The following HPSE2 variants were observed in gnomAD, a reference collection of about 807,000 sequenced individuals.
The protein encoded by HPSE2 is heparanase 2 (inactive), also known as inactive heparanase-2.
A neutral mutation model predicts 60.5 loss-of-function variants in HPSE2; 38 were observed. The ratio of observed to expected loss-of-function variants is 0.63; its 90% CI spans 0.48 to 0.82. The LOEUF (loss-of-function observed/expected upper bound fraction) is 0.82, where lower values mean the gene tolerates loss of function less well. Among genes scored for constraint, HPSE2 ranks in the 40% least tolerant of loss-of-function variants. The pLI, the probability that HPSE2 is intolerant of heterozygous loss-of-function variation, is 0.00. For missense variants in HPSE2, 713 were observed against 740.4 expected (o/e 0.96, Z 0.43); for synonymous variants, 295 against 293.2 (o/e 1.01, Z -0.06).
chr10:98,516,256 A>T (rs1942598163), intron 9 of HPSE2, among the ~76,000 whole-genome samples: 1 of 152,206 alleles, frequency 6.6e-6, no homozygotes, highest in Non-Finnish European at 1.5e-5. Flanking sequence ...AAAGATATTG[A>T]AACTCAGCGA....
intron 9 of HPSE2, among the ~76,000 whole-genome samples, chr10:98,539,936 C>G (rs559336094): frequency 3.5e-4 from 54 of 152,330 alleles, no homozygotes; most frequent in African/African-American, 1.3e-3. Context: ...TAAGAGAAGG[C>G]ACTATAGCAG....
intron 5 of HPSE2, among the ~76,000 whole-genome samples, chr10:98,706,225 C>G (rs1254275643): frequency 6.6e-6 from 1 of 152,162 alleles, no homozygotes; most frequent in Non-Finnish European, 1.5e-5. Context: ...GCTGTTTTCA[C>G]TGAGGCTAGG....
chr10:98,853,902 T>A (rs1052190026), intron 3 of HPSE2, among the ~76,000 whole-genome samples: 5 of 152,186 alleles, frequency 3.3e-5, no homozygotes, highest in African/African-American at 9.6e-5. Context: ...AACTGTAAAG[T>A]GTAAGACAAG....
intron 9 of HPSE2, among the ~76,000 whole-genome samples, chr10:98,520,620 A>G (rs905922287): frequency 6.6e-6 from 1 of 152,228 alleles, no homozygotes; most frequent in Non-Finnish European, 1.5e-5. Context: ...GAAACTGTAT[A>G]TCTAATGGCT....
chr10:98,925,387 T>C (rs1374752216), intron 3 of HPSE2, among the ~76,000 whole-genome samples: 1 of 151,762 alleles, frequency 6.6e-6, no homozygotes, highest in Non-Finnish European at 1.5e-5. Flanking sequence ...GACACTGCTC[T>C]GGCAGGGTAT....
intron 3 of HPSE2, among the ~76,000 whole-genome samples, chr10:99,055,603 C>G (rs564737407): frequency 1.3e-5 from 2 of 152,062 alleles, no homozygotes; most frequent in Admixed American, 1.3e-4. Context: ...ACCTTAAAAT[C>G]CAAAGACTGA....
chr10:99,072,038 T>G (rs954606104), intron 3 of HPSE2, among the ~76,000 whole-genome samples: 1 of 140,382 alleles, frequency 7.1e-6, no homozygotes, highest in African/African-American at 2.5e-5. Flanking sequence ...TTTTTTTTTT[T>G]AATTGTTTTG....
At chr10:98,984,229 C>T (rs2496709) in intron 3 of HPSE2, among the ~76,000 whole-genome samples, 23,620 of 152,150 alleles carry the variant, frequency 0.16, 2,051 homozygotes, top group Admixed American at 0.23. Context: ...TAGCCTAAAT[C>T]GGAGGCACCC....
At chr10:99,090,609 A>G (rs535093994) in intron 3 of HPSE2, among the ~76,000 whole-genome samples, 49 of 152,316 alleles carry the variant, frequency 3.2e-4, no homozygotes, top group South Asian at 2.3e-3. Context: ...GATAAGAAAA[A>G]CATTTCAAGG....
intron 3 of HPSE2, among the ~76,000 whole-genome samples, chr10:98,852,113 A>ATATATATGTGTGTGTGTGTGTGTGTGTG (rs779720749): frequency 1.1e-5 from 1 of 91,930 alleles, no homozygotes; most frequent in Non-Finnish European, 2.1e-5. Context: ...GTATATTATG[A>ATATATATGTGTGTGTGTGTGTGTGTGTG]TGTGTGTGTG....
chr10:99,022,553 C>A (rs1275026609), intron 3 of HPSE2, among the ~76,000 whole-genome samples: 3 of 152,110 alleles, frequency 2.0e-5, no homozygotes, highest in Non-Finnish European at 4.4e-5. Flanking sequence ...CTTCCCCTAA[C>A]CCCAGGCTGC....
intron 3 of HPSE2, among the ~76,000 whole-genome samples, chr10:98,805,359 A>G (rs2134546243): frequency 6.6e-6 from 1 of 152,316 alleles, no homozygotes; most frequent in Middle Eastern, 3.4e-3. Context: ...TACATTTAAA[A>G]TAGCTAAAAG....
intron 3 of HPSE2, among the ~76,000 whole-genome samples, chr10:98,910,971 A>G (rs1196606171): frequency 6.6e-6 from 1 of 152,236 alleles, no homozygotes; most frequent in Non-Finnish European, 1.5e-5. Flanking sequence ...GAAAATGTTG[A>G]GACTTTCTGA....
intron 9 of HPSE2, among the ~76,000 whole-genome samples, chr10:98,586,711 C>T (rs1944950051): frequency 6.6e-6 from 1 of 152,296 alleles, no homozygotes; most frequent in African/African-American, 2.4e-5. Flanking sequence ...TCCTCTTAGA[C>T]TTGATCAGAA....
At chr10:98,553,538 G>A (rs981367669) in intron 9 of HPSE2, among the ~76,000 whole-genome samples, 19 of 152,064 alleles carry the variant, frequency 1.2e-4, no homozygotes, top group African/African-American at 4.1e-4. Context: ...CTTTTTGCAC[G>A]GAACACACCT....
intron 6 of HPSE2, among the ~76,000 whole-genome samples, chr10:98,662,473 C>A (rs1947251310): frequency 6.6e-6 from 1 of 152,190 alleles, no homozygotes; most frequent in Non-Finnish European, 1.5e-5. Flanking sequence ...CCAAATACTG[C>A]ATGTTCTCAC....
At chr10:98,514,267 G>C (rs916927265) in intron 9 of HPSE2, among the ~76,000 whole-genome samples, 2 of 152,076 alleles carry the variant, frequency 1.3e-5, no homozygotes, top group Non-Finnish European at 2.9e-5. Context: ...AGGTGGAAGG[G>C]GGAGGCAAGA....
chr10:98,954,642 G>A (rs985695610), intron 3 of HPSE2, among the ~76,000 whole-genome samples: 5 of 151,926 alleles, frequency 3.3e-5, no homozygotes, highest in Non-Finnish European at 7.4e-5. Flanking sequence ...AACACCTTTC[G>A]GCATCACGTA....
At chr10:99,030,964 A>G (rs896558702) in intron 3 of HPSE2, among the ~76,000 whole-genome samples, 1 of 152,200 alleles carries the variant, frequency 6.6e-6, no homozygotes, top group Non-Finnish European at 1.5e-5. Flanking sequence ...GAGAGTAGAA[A>G]GATGGTTACC....
Sources: allele counts gnomAD v4.1 joint callset (sites outside exome capture counted in the v4.1 genomes callset), GRCh38; gene constraint gnomAD v4.1.1; transcripts MANE v1.5; gene names NCBI Gene and HGNC (gene_info 2026-07-23, HGNC 2026-07-21).